Variants in UBE3D observed in about 807,000 individuals in gnomAD.
The protein encoded by UBE3D is E3 ubiquitin-protein ligase E3D.
A neutral mutation model predicts 49.6 loss-of-function variants in UBE3D; 48 were observed. That is an observed-to-expected ratio of 0.97 (90% CI 0.77 to 1.23). The LOEUF (loss-of-function observed/expected upper bound fraction) is 1.23. Among genes scored for constraint, UBE3D ranks in the 50% most tolerant of loss-of-function variants. UBE3D has a pLI of 0.00. For synonymous variants in UBE3D, 189 were observed against 174.2 expected (o/e 1.08, Z -0.67); for missense variants, 452 against 468.4 (o/e 0.96, Z 0.32).
intron 5 of UBE3D, among the ~76,000 whole-genome samples, chr6:83,025,825 G>A (rs1272958079): frequency 1.4e-5 from 2 of 144,646 alleles, no homozygotes; most frequent in African/African-American, 5.1e-5. Context: ...AGATGTTGCA[G>A]TGAGCCGAGA....
intron 9 of UBE3D, among the ~76,000 whole-genome samples, chr6:82,939,052 C>T (rs1399066738): frequency 6.6e-6 from 1 of 151,252 alleles, no homozygotes; most frequent in African/African-American, 2.4e-5. Context: ...AGACTGGACA[C>T]CCTGTCTATT....
intron 9 of UBE3D, among the ~76,000 whole-genome samples, chr6:82,940,884 C>A (rs897577673): frequency 2.0e-5 from 3 of 152,042 alleles, no homozygotes; most frequent in Non-Finnish European, 2.9e-5. Flanking sequence ...TTTGTGTGTG[C>A]GTGTATAAGC....
rs118128209 is a variant in UBE3D at position 82,901,608 on chromosome 6, T to A, written c.1150-8566A>T. 4.4e-4 allele frequency among the ~76,000 whole-genome samples: 67 copies of A among 152,262 alleles called. 1 individual carries two copies. In the East Asian group the frequency reaches 7.7e-3, roughly 18 times the overall value. ...AACCATCCTCGAGAAGGGAATTGGA[T>A]TAAAGTGACATAGCTAATTAGGCGA... On this transcript the variant is annotated intron_variant, in intron 9 of 9. Coordinates refer to ENST00000369747, the MANE Select transcript of UBE3D (RefSeq NM_198920.3).
At chr6:82,889,502 C>T (rs182000595), downstream of UBE3D, among the ~76,000 whole-genome samples, 246 of 152,184 alleles carry the variant, frequency 1.6e-3, no homozygotes, top group African/African-American at 5.3e-3. Context: ...TGATGCAAGG[C>T]TGCAGTTTGC....
At chr6:82,959,927 C>T (rs1032014725) in intron 8 of UBE3D, among the ~76,000 whole-genome samples, 1 of 152,006 alleles carries the variant, frequency 6.6e-6, no homozygotes, top group Non-Finnish European at 1.5e-5. Context: ...TTCATCTAGC[C>T]TTCATGACGG....
intron 9 of UBE3D, among the ~76,000 whole-genome samples, chr6:82,919,911 T>C (rs1387787977): frequency 1.3e-5 from 2 of 152,100 alleles, no homozygotes; most frequent in Non-Finnish European, 2.9e-5. Flanking sequence ...ATACTGGCAA[T>C]TGGGAAACAA....
chr6:83,057,081 G>T (rs1783862535), intron 2 of UBE3D, among the ~76,000 whole-genome samples: 1 of 152,122 alleles, frequency 6.6e-6, no homozygotes, highest in Admixed American at 6.5e-5. Context: ...AATATAACAG[G>T]CATAGTAAAA....
intron 9 of UBE3D, among the ~76,000 whole-genome samples, chr6:82,940,881 G>T (rs943130774): frequency 5.9e-5 from 9 of 152,164 alleles, no homozygotes; most frequent in African/African-American, 2.2e-4. Context: ...ATATTTGTGT[G>T]TGCGTGTATA....
chr6:82,984,499 T>C (rs1778326118), intron 8 of UBE3D, among the ~76,000 whole-genome samples: 1 of 152,188 alleles, frequency 6.6e-6, no homozygotes, highest in African/African-American at 2.4e-5. Flanking sequence ...GATTGTACCA[T>C]TTTGTATATC....
rs1562191905 is a variant in UBE3D at position 83,019,138 on chromosome 6, TAAAGATGTGAAGAG to T, written c.847-16_847-3del. The T allele has an allele frequency of 6.2e-7, 1 of 1,610,660 alleles. No individual in the cohort carries two copies. Among genetic ancestry groups the T allele is most frequent in the East Asian group, 2.2e-5 (1 of 44,814 alleles). ...ACTGTCTGAATTTAAAAGCCATAGC[TAAAGATGTGAAGAG>T]AAAGTCCAAGTATAAGAATATTGTC... On this transcript the variant is annotated splice_polypyrimidine_tract_variant and splice_region_variant and intron_variant, in intron 7 of 9. Coordinates refer to ENST00000369747, the MANE Select transcript of UBE3D (RefSeq NM_198920.3).
Position 82,924,119 on chromosome 6 carries a change from G to A in UBE3D, c.1150-31077C>T, listed in dbSNP as rs187062222. Among the ~76,000 whole-genome samples, 315 of 151,374 alleles carry A rather than the reference G, an allele frequency of 2.1e-3. 2 individuals are homozygous for A. The highest frequency in any genetic ancestry group is 2.6e-3 in the Non-Finnish European group (174 of 67,854). The stretch of plus-strand genomic sequence containing the variant: ...AAAAAAGGTAGGAGAAAAAAGAAAA[G>A]TACTTGGAAGTCCACAAATGGCAGC... On this transcript the variant is annotated intron_variant, in intron 9 of 9. Coordinates refer to ENST00000369747, the MANE Select transcript of UBE3D (RefSeq NM_198920.3).
At chr6:82,994,605 A>G (rs1453909702) in intron 8 of UBE3D, among the ~76,000 whole-genome samples, 1 of 152,218 alleles carries the variant, frequency 6.6e-6, no homozygotes, top group African/African-American at 2.4e-5. Context: ...ATGCATGTAA[A>G]CACCACATGA....
intron 8 of UBE3D, among the ~76,000 whole-genome samples, chr6:82,997,581 T>A (rs918381776): frequency 6.6e-6 from 1 of 151,928 alleles, no homozygotes; most frequent in African/African-American, 2.4e-5. Flanking sequence ...TAGCCAGGCA[T>A]GGTGGCGGGT....
intron 9 of UBE3D, among the ~76,000 whole-genome samples, chr6:82,953,219 T>C (rs947691809): frequency 3.9e-5 from 6 of 152,202 alleles, no homozygotes; most frequent in African/African-American, 1.2e-4. Flanking sequence ...GCCTACTGCG[T>C]TGGTTTCTGG....
chr6:82,881,677 C>T, the UBE3D span, among the ~76,000 whole-genome samples: 1 of 152,086 alleles, frequency 6.6e-6, no homozygotes, highest in Admixed American at 6.6e-5. Context: ...AAAAAAAGGC[C>T]CTCTTCTCTT....
At chr6:83,025,022 A>C (rs1781358495) in intron 5 of UBE3D, among the ~76,000 whole-genome samples, 1 of 152,210 alleles carries the variant, frequency 6.6e-6, no homozygotes, top group Non-Finnish European at 1.5e-5. Context: ...CAAATCAAGT[A>C]AGATTTTAGC....
intron 9 of UBE3D, among the ~76,000 whole-genome samples, chr6:82,925,279 G>A (rs1773663629): frequency 1.3e-5 from 2 of 152,098 alleles, no homozygotes; most frequent in Admixed American, 6.5e-5. Context: ...CTATCTTTAT[G>A]AAGCCATCTA....
At chr6:82,924,653 C>G (rs1773611484) in intron 9 of UBE3D, among the ~76,000 whole-genome samples, 1 of 152,038 alleles carries the variant, frequency 6.6e-6, no homozygotes, top group African/African-American at 2.4e-5. Context: ...AATCTTTGCA[C>G]AAATTGAAAA....
chr6:82,919,674 G>C (rs1292714177), intron 9 of UBE3D, among the ~76,000 whole-genome samples: 3 of 152,040 alleles, frequency 2.0e-5, no homozygotes, highest in African/African-American at 7.2e-5. Flanking sequence ...ATGATAATAA[G>C]AATGCCAGTG....
Sources: gnomAD v4.1 joint callset for allele counts (sites outside exome capture counted in the v4.1 genomes callset) on GRCh38, gnomAD v4.1.1 for gene constraint, MANE v1.5 for transcripts, NCBI Gene and HGNC (gene_info 2026-07-23, HGNC 2026-07-21) for gene names.